Variants in TTC28 observed in about 807,000 individuals in gnomAD.
TTC28 encodes the protein tetratricopeptide repeat protein 28.
A neutral mutation model predicts 198.0 loss-of-function variants in TTC28; 61 were observed. The ratio of observed to expected loss-of-function variants is 0.31; its 90% CI spans 0.25 to 0.38. The LOEUF is 0.38. Ranked by LOEUF, TTC28 falls within the 10% of genes least tolerant of loss-of-function variation. TTC28 has a pLI of 1.00. For missense variants in TTC28, 2,678 were observed against 3,164.0 expected, an observed-to-expected ratio of 0.85 and a Z score of 3.69; for synonymous variants, 1,171 against 1,297.8, an observed-to-expected ratio of 0.90 and a Z score of 2.10.
chr22:28,475,183 AAAAG>A (rs966343709), intron 2 of TTC28, among the ~76,000 whole-genome samples: 3 of 151,122 alleles, frequency 2.0e-5, no homozygotes, highest in South Asian at 2.1e-4. Context: ...GAAAGAAAAG[AAAAG>A]AAAGAAAGAT....
intron 2 of TTC28, among the ~76,000 whole-genome samples, chr22:28,337,900 T>C (rs2045758595): frequency 6.6e-6 from 1 of 152,218 alleles, no homozygotes; most frequent in Admixed American, 6.5e-5. Flanking sequence ...TAGCTGGTTA[T>C]TTTGCTCGTT....
intron 6 of TTC28, among the ~76,000 whole-genome samples, chr22:28,114,407 C>T (rs1485573179): frequency 6.6e-6 from 1 of 152,132 alleles, no homozygotes; most frequent in Non-Finnish European, 1.5e-5. Flanking sequence ...AGGTGACAGA[C>T]CTGGTTAGTA....
At chr22:28,112,245 T>C (rs1942503834) in intron 6 of TTC28, among the ~76,000 whole-genome samples, 1 of 152,204 alleles carries the variant, frequency 6.6e-6, no homozygotes. Context: ...GACCAGTATT[T>C]AGAGAGTGAG....
chr22:28,056,838 C>T (rs1182878691), intron 12 of TTC28, among the ~76,000 whole-genome samples: 1 of 152,184 alleles, frequency 6.6e-6, no homozygotes, highest in Non-Finnish European at 1.5e-5. Context: ...TGATTCTCTT[C>T]CACCAGAGAT....
chr22:28,486,570 G>A (rs2048317573), intron 2 of TTC28, among the ~76,000 whole-genome samples: 1 of 152,020 alleles, frequency 6.6e-6, no homozygotes, highest in African/African-American at 2.4e-5. Flanking sequence ...TACCTTCCTT[G>A]GTTGAAATAA....
intron 2 of TTC28, among the ~76,000 whole-genome samples, chr22:28,428,801 G>A (rs1055784786): frequency 6.6e-6 from 1 of 151,702 alleles, no homozygotes; most frequent in Admixed American, 6.6e-5. Flanking sequence ...ACCACGCCCG[G>A]CTAATTTTTT....
chr22:28,094,614 T>C (rs771679057), intron 11 of TTC28, among the ~76,000 whole-genome samples: 1 of 152,216 alleles, frequency 6.6e-6, no homozygotes, highest in Non-Finnish European at 1.5e-5. Flanking sequence ...ATATTCCTTA[T>C]AGAAATTGAA....
chr22:28,390,964 T>C lies in TTC28; in HGVS notation c.382-84321A>G, dbSNP rs151288051. Among the ~76,000 whole-genome samples, 12 of 152,354 alleles carry C rather than the reference T, an allele frequency of 7.9e-5. No homozygotes were observed. In the South Asian group the frequency reaches 1.2e-3, roughly 16 times the overall value. On this transcript the variant is annotated intron_variant, in intron 2 of 22. Coordinates refer to ENST00000397906, the MANE Select transcript of TTC28 (RefSeq NM_001145418.2). ...CGATGGTCTACATTTTGGCATGATTTTGCAGCGGCTGGTATCAGTTGTTCC... is the reference window on the plus strand; with the variant it reads ...CGATGGTCTACATTTTGGCATGATTCTGCAGCGGCTGGTATCAGTTGTTCC...
At chr22:28,018,067 C>A (rs1938439237) in intron 13 of TTC28, among the ~76,000 whole-genome samples, 1 of 152,210 alleles carries the variant, frequency 6.6e-6, no homozygotes, top group Non-Finnish European at 1.5e-5. Context: ...CAGCCTCCCA[C>A]CCTGGCCCTT....
chr22:28,327,379 G>T (rs762906159), intron 2 of TTC28, among the ~76,000 whole-genome samples: 31 of 152,180 alleles, frequency 2.0e-4, no homozygotes, highest in Non-Finnish European at 3.8e-4. Flanking sequence ...AGCTCAAGGA[G>T]GCTGTGATGT....
chr22:28,505,005 CA>C (rs2048588531), intron 2 of TTC28, among the ~76,000 whole-genome samples: 1 of 151,828 alleles, frequency 6.6e-6, no homozygotes, highest in Non-Finnish European at 1.5e-5. Context: ...CTTGTAATCC[CA>C]AGCACTTTGG....
chr22:28,367,479 A>G (rs2046266428), intron 2 of TTC28, among the ~76,000 whole-genome samples: 1 of 152,024 alleles, frequency 6.6e-6, no homozygotes, highest in African/African-American at 2.4e-5. Context: ...CTGACATCAA[A>G]AAGAAGAAAA....
intron 2 of TTC28, among the ~76,000 whole-genome samples, chr22:28,561,521 G>C (rs1280997149): frequency 6.6e-6 from 1 of 152,178 alleles, no homozygotes. Flanking sequence ...ATCACTTCTA[G>C]ATCCCCAGTG....
intron 5 of TTC28, among the ~76,000 whole-genome samples, chr22:28,181,109 T>C (rs879408587): frequency 1.6e-4 from 25 of 152,218 alleles, no homozygotes; most frequent in Non-Finnish European, 2.9e-4. Context: ...CTGTCAGCCT[T>C]TTCCAATGCT....
At chr22:28,376,635 C>G (rs970621240) in intron 2 of TTC28, among the ~76,000 whole-genome samples, 1 of 152,178 alleles carries the variant, frequency 6.6e-6, no homozygotes, top group Admixed American at 6.5e-5. Flanking sequence ...CCTCTAAGTG[C>G]ACTGCCTAGA....
intron 2 of TTC28, among the ~76,000 whole-genome samples, chr22:28,446,474 A>T (rs536599869): frequency 2.0e-5 from 3 of 152,280 alleles, no homozygotes; most frequent in Non-Finnish European, 4.4e-5. Context: ...GGTTCGGATC[A>T]TGGGGCTGGA....
intron 1 of TTC28, among the ~76,000 whole-genome samples, chr22:28,650,171 C>T (rs1291359020): frequency 6.6e-6 from 1 of 152,000 alleles, no homozygotes. Context: ...AAGTACCACA[C>T]ATGAAAAGGC....
intron 13 of TTC28, 36 bp downstream of exon 13, chr22:28,030,190 C>G (rs1333035874): frequency 6.5e-7 from 1 of 1,550,134 alleles, no homozygotes; most frequent in Middle Eastern, 1.8e-4. Context: ...AGCACCCTGC[C>G]CTGCACTGGG....
intron 12 of TTC28, among the ~76,000 whole-genome samples, chr22:28,039,477 A>C (rs1939517902): frequency 7.0e-6 from 1 of 142,410 alleles, no homozygotes; most frequent in South Asian, 2.2e-4. Flanking sequence ...CAATGAGAAC[A>C]CTTGGACACA....
Sources: gnomAD v4.1 joint callset for allele counts (sites outside exome capture counted in the v4.1 genomes callset) on GRCh38, gnomAD v4.1.1 for gene constraint, MANE v1.5 for transcripts, NCBI Gene and HGNC (gene_info 2026-07-23, HGNC 2026-07-21) for gene names.